MAP2K5: variants seen among roughly 807,000 people sequenced by gnomAD.
The protein encoded by MAP2K5 is mitogen-activated protein kinase kinase 5.
A neutral mutation model predicts 83.1 loss-of-function variants in MAP2K5; 49 were observed. The observed-to-expected ratio is 0.59, with a 90% CI of 0.47 to 0.75. The LOEUF (loss-of-function observed/expected upper bound fraction) is 0.75. MAP2K5 is among the 30% of genes least tolerant of loss of function. The pLI is 0.00. For missense variants in MAP2K5, 457 were observed against 557.5 expected (o/e 0.82, Z 1.82); for synonymous variants, 202 against 191.8 (o/e 1.05, Z -0.44).
intron 8 of MAP2K5, among the ~76,000 whole-genome samples, chr15:67,627,029 T>TCAAGCGAC (rs2086341828): frequency 6.6e-6 from 1 of 151,860 alleles, no homozygotes. Flanking sequence ...CCTCCTGGAC[T>TCAAGCGAC]CAAGCGACCC....
At chr15:67,729,628 T>C (rs900740793) in intron 17 of MAP2K5, among the ~76,000 whole-genome samples, 7 of 151,480 alleles carry the variant, frequency 4.6e-5, no homozygotes, top group Non-Finnish European at 7.4e-5. Flanking sequence ...AAAAAAAAAT[T>C]AGCCGGGCGT....
intron 8 of MAP2K5, among the ~76,000 whole-genome samples, chr15:67,605,510 A>G (rs1329536826): frequency 1.3e-5 from 2 of 152,172 alleles, no homozygotes; most frequent in African/African-American, 4.8e-5. Flanking sequence ...ATTATCTTAA[A>G]TACAATGATT....
intron 2 of MAP2K5, among the ~76,000 whole-genome samples, chr15:67,553,442 T>C (rs1007979967): frequency 3.9e-5 from 6 of 152,204 alleles, no homozygotes; most frequent in Non-Finnish European, 8.8e-5. Flanking sequence ...TGAAAAACAA[T>C]AAATACAAAA....
At chr15:67,556,448 C>G (rs777522156) in intron 2 of MAP2K5, among the ~76,000 whole-genome samples, 9 of 151,972 alleles carry the variant, frequency 5.9e-5, no homozygotes, top group Non-Finnish European at 1.3e-4. Context: ...CACACACACA[C>G]AGTTATTTAT....
Position 67,801,529 on chromosome 15 carries a change from C to T in MAP2K5, c.1243-5117C>T, listed in dbSNP as rs2090706884. Among the ~76,000 whole-genome samples the T allele has an allele frequency of 6.6e-6, 1 of 152,204 alleles. No individual in the cohort carries two copies. The highest frequency in any genetic ancestry group is 2.1e-4 in the South Asian group (1 of 4,836). On this transcript the variant is annotated intron_variant, in intron 21 of 21. Coordinates refer to ENST00000178640, the MANE Select transcript of MAP2K5 (RefSeq NM_145160.3). This position sits in a 1 kb window ranked among gnomAD's most constrained non-coding sequence, Gnocchi z 4.8. Reference sequence around the variant, plus strand: ...TTATGGAGCCATCTCCCCAGAGAGACACCACCAGTAGGCAGGCAGTGTGGT... The same window carrying T: ...TTATGGAGCCATCTCCCCAGAGAGATACCACCAGTAGGCAGGCAGTGTGGT...
In MAP2K5 at chr15:67,775,885, A is replaced by G. The variant is rs1194004431; in HGVS notation, c.1242+3133A>G. Among the ~76,000 whole-genome samples, 1 of 152,196 alleles carries G rather than the reference A, an allele frequency of 6.6e-6. No homozygotes were observed. The highest frequency in any genetic ancestry group is 2.4e-5 in the African/African-American group (1 of 41,446). ...CTGCTGGAACAGAAACCTCTTCAACATTGACCTGGTGGAGTTCAAACAGGC... is the reference window on the plus strand; with the variant it reads ...CTGCTGGAACAGAAACCTCTTCAACGTTGACCTGGTGGAGTTCAAACAGGC... On this transcript the variant is annotated intron_variant, in intron 21 of 21. Coordinates refer to ENST00000178640, the MANE Select transcript of MAP2K5 (RefSeq NM_145160.3). The surrounding 1 kb of genome is among the most constrained non-coding windows in gnomAD (Gnocchi z 5.3).
intron 6 of MAP2K5, among the ~76,000 whole-genome samples, chr15:67,589,088 C>G (rs778678805): frequency 1.2e-4 from 18 of 151,946 alleles, no homozygotes; most frequent in Non-Finnish European, 2.5e-4. Context: ...AAGCAATTTT[C>G]TCACTTTGGC....
At chr15:67,711,638 A>T (rs2088694180) in intron 16 of MAP2K5, among the ~76,000 whole-genome samples, 2 of 151,728 alleles carry the variant, frequency 1.3e-5, no homozygotes, top group African/African-American at 4.8e-5. Context: ...AATAGCCATA[A>T]CGTGATTTAC....
At chr15:67,580,544 A>T (rs915293921) in intron 3 of MAP2K5, among the ~76,000 whole-genome samples, 2 of 152,042 alleles carry the variant, frequency 1.3e-5, no homozygotes, top group Non-Finnish European at 2.9e-5. Context: ...ACTCTTAAAG[A>T]TAAATGCCAG....
rs1251711352 is a variant in MAP2K5, at chr15:67,638,062, C to T, written c.585+7135C>T. ...AAATTAAAAAAGTTAATTTTTTTAA[C>T]TTTTAATTTAACTTTTTTAATTTAA... is the stretch of plus-strand genomic sequence containing the variant. On this transcript the variant is annotated intron_variant, in intron 9 of 21. Transcript: ENST00000178640. This position sits in a 1 kb window ranked among gnomAD's most constrained non-coding sequence, Gnocchi z 4.5. Among the ~76,000 whole-genome samples, 1 of 150,936 alleles carries T rather than the reference C, an allele frequency of 6.6e-6. No individual in the cohort carries two copies. Among genetic ancestry groups the T allele is most frequent in the Non-Finnish European group, 1.5e-5 (1 of 67,746 alleles).
rs149362620 is a variant in MAP2K5 at position 67,804,621 on chromosome 15, C to T, written c.1243-2025C>T. Among the ~76,000 whole-genome samples, 424 of 152,330 alleles carry T rather than the reference C, an allele frequency of 2.8e-3. 2 individuals carry two copies. The highest frequency in any genetic ancestry group is 9.9e-3 in the African/African-American group (412 of 41,576). ...GCCTCTACGCTCCCTCCTGCAGTTC[C>T]GCTCTGCTTGTTCCAGAACAGATGA... is the stretch of plus-strand genomic sequence containing the variant. On this transcript the variant is annotated intron_variant, in intron 21 of 21. Transcript: ENST00000178640.
intron 8 of MAP2K5, among the ~76,000 whole-genome samples, chr15:67,626,734 T>C (rs2086332851): frequency 6.7e-6 from 1 of 149,780 alleles, no homozygotes; most frequent in Non-Finnish European, 1.5e-5. Flanking sequence ...CTTCATCTCT[T>C]AAAAACTTAA....
At chr15:67,673,502 G>A (rs1173303509) in intron 13 of MAP2K5, among the ~76,000 whole-genome samples, 1 of 152,040 alleles carries the variant, frequency 6.6e-6, no homozygotes, top group African/African-American at 2.4e-5. Flanking sequence ...TTTGGTAGAG[G>A]TAAAACGTTT....
At chr15:67,613,432 A>G (rs879943230) in intron 8 of MAP2K5, among the ~76,000 whole-genome samples, 9 of 152,220 alleles carry the variant, frequency 5.9e-5, no homozygotes, top group Non-Finnish European at 1.2e-4. Context: ...ATAATGATAC[A>G]TGTGAAAGAC....
rs1434316918 is a variant in MAP2K5, at chr15:67,638,940, T to C, written c.586-7291T>C. Among the ~76,000 whole-genome samples the C allele has an allele frequency of 6.6e-6, 1 of 152,144 alleles. No individual in the cohort carries two copies. Among genetic ancestry groups the C allele is most frequent in the Non-Finnish European group, 1.5e-5 (1 of 68,022 alleles). The stretch of plus-strand genomic sequence containing the variant: ...GGGTTGTCTTTTTCTTACAAATTTG[T>C]ATAGACCCCTTCCTTATACCCCTTT... On this transcript the variant is annotated intron_variant, in intron 9 of 21. Transcript: ENST00000178640. The surrounding 1 kb of genome is among the most constrained non-coding windows in gnomAD (Gnocchi z 4.5).
At chr15:67,657,372 C>G (rs2087110371) in intron 11 of MAP2K5, among the ~76,000 whole-genome samples, 2 of 152,148 alleles carry the variant, frequency 1.3e-5, no homozygotes, top group Admixed American at 1.3e-4. Context: ...ATTTGTCAGT[C>G]TTCCAAATAC....
chr15:67,685,648 GAGA>G (rs771818834), intron 13 of MAP2K5, among the ~76,000 whole-genome samples: 1 of 152,134 alleles, frequency 6.6e-6, no homozygotes, highest in South Asian at 2.1e-4. Context: ...AATAAAAGAT[GAGA>G]AGAAGAAAAT....
rs1443176778 is a variant in MAP2K5 at position 67,630,896 on chromosome 15, A to T, written c.554A>T (p.His185Leu). ...GNGGTVYKAY[H>L]VPSGKILAVK... ...TTTTTTTCTTCCCATAGAGCATATC[A>T]TGTCCCGAGTGGGAAAATATTAGCT... is the stretch of plus-strand genomic sequence containing the variant. Residue 185 changes from histidine to leucine, a missense_variant, in exon 9 of 22, where the codon CAT becomes CTT. His to Leu is a moderately conservative substitution (Grantham distance 99). This residue lies in a region of MAP2K5 where 234 missense variants were observed against 243.6 expected (regional missense o/e 0.96). Coordinates refer to ENST00000178640, the MANE Select transcript of MAP2K5 (RefSeq NM_145160.3). The T allele has an allele frequency of 6.2e-7, 1 of 1,610,368 alleles. No homozygotes were observed. The highest frequency in any genetic ancestry group is 1.1e-5 in the South Asian group (1 of 90,646).
chr15:67,655,578 C>T (rs2087052574), intron 11 of MAP2K5, among the ~76,000 whole-genome samples: 1 of 152,082 alleles, frequency 6.6e-6, no homozygotes, highest in Non-Finnish European at 1.5e-5. Context: ...GAGTAATCAG[C>T]TCTTGTTCTT....
Sources: allele counts gnomAD v4.1 joint callset (sites outside exome capture counted in the v4.1 genomes callset), GRCh38; gene constraint gnomAD v4.1.1; regional missense constraint gnomAD v4.1.1; non-coding constraint Gnocchi (gnomAD v3.1); transcripts MANE v1.5; gene names NCBI Gene and HGNC (gene_info 2026-07-23, HGNC 2026-07-21).